Variants in COL16A1 observed in about 807,000 individuals in gnomAD.
COL16A1 encodes collagen type XVI alpha 1 chain.
A neutral mutation model predicts 266.3 loss-of-function variants in COL16A1; 189 were observed. That is an observed-to-expected ratio of 0.71 (90% CI 0.63 to 0.80). The LOEUF is 0.80. Among genes scored for constraint, COL16A1 ranks in the 30% least tolerant of loss-of-function variants. The pLI, the probability that COL16A1 is intolerant of heterozygous loss-of-function variation, is 0.00. For missense variants in COL16A1, 1,928 were observed against 2,122.4 expected (o/e 0.91, Z 1.80); for synonymous variants, 740 against 782.3 (o/e 0.95, Z 0.90).
At chr1:31,700,189 C>G (rs1644674366) in intron 2 of COL16A1, 74 bp from the exon 3 acceptor site, 1 of 1,418,736 alleles carries the variant, frequency 7.0e-7, no homozygotes, top group African/African-American at 1.4e-5. Flanking sequence ...GCCTGGGGAA[C>G]CTGGGAGGGA....
Position 31,670,568 on chromosome 1 carries a change from G to T in COL16A1, c.3195+34C>A, listed in dbSNP as rs982313749. On this transcript the variant is annotated intron_variant, in intron 49 of 70. Transcript: ENST00000373672. The surrounding 1 kb of genome is among the most constrained non-coding windows in gnomAD (Gnocchi z 4.5). Reference sequence around the variant, plus strand: ...AAGCCACAGAGACCTGGCTGACGGGGGGGAGGGGAGGTCGAGCAGCGCTAG... The same window carrying T: ...AAGCCACAGAGACCTGGCTGACGGGTGGGAGGGGAGGTCGAGCAGCGCTAG... The T allele has an allele frequency of 1.5e-6, 2 of 1,356,262 alleles. No individual in the cohort carries two copies. The highest frequency in any genetic ancestry group is 1.9e-6 in the Non-Finnish European group (2 of 1,048,502). The allele number at this position is 1,356,262 out of a possible 1,614,324, so 84.0% of individuals were successfully genotyped here.
In COL16A1 at chr1:31,656,657, G is replaced by A. The variant is rs115307780; in HGVS notation, c.4057-213C>T. Among the ~76,000 whole-genome samples the A allele has an allele frequency of 0.015, 2,298 of 152,264 alleles. 83 individuals are homozygous for A. Among genetic ancestry groups the A allele is most frequent in the African/African-American group, 0.053 (2,205 of 41,524 alleles). The stretch of plus-strand genomic sequence containing the variant: ...GGCCTTGTTTAAGCATGTTGGCTGG[G>A]CCCCCATCACAGATGAAGAGAGGCG... On this transcript the variant is annotated intron_variant, in intron 65 of 70. Transcript: ENST00000373672. The surrounding 1 kb of genome is among the most constrained non-coding windows in gnomAD (Gnocchi z 4.2).
At chr1:31,694,195 C>T (rs565584262) in intron 11 of COL16A1, 25 bp from the exon 12 acceptor site, 7 of 1,572,164 alleles carry the variant, frequency 4.5e-6, no homozygotes, top group African/African-American at 4.1e-5. Context: ...GAGAGGGCAT[C>T]ACACTTCCGG....
chr1:31,694,052 G>T, intron 12 of COL16A1, 92 bp downstream of exon 12: 1 of 1,266,334 alleles, frequency 7.9e-7, no homozygotes, highest in East Asian at 2.4e-5. Flanking sequence ...AGGTGGCCCT[G>T]ATAGAAACAC....
At chr1:31,669,003 C>G in intron 49 of COL16A1, 148 bp from the exon 50 acceptor site, 2 of 682,314 alleles carry the variant, frequency 2.9e-6, no homozygotes, top group Non-Finnish European at 4.9e-6. Flanking sequence ...GAAGGTGACC[C>G]GTAATGGGTG....
intron 55 of COL16A1, 75 bp from the exon 56 acceptor site, chr1:31,665,309 C>T (rs953849646): frequency 1.9e-5 from 30 of 1,557,172 alleles, no homozygotes; most frequent in Non-Finnish European, 2.4e-5. Context: ...TCTTCCTGTG[C>T]ATGATGCACT....
intron 26 of COL16A1, 127 bp from the exon 27 acceptor site, chr1:31,686,406 A>T (rs1242164248): frequency 1.5e-6 from 2 of 1,321,094 alleles, no homozygotes; most frequent in African/African-American, 2.9e-5. Context: ...TCCAGAGAGG[A>T]AGAGGGCTTT....
Position 31,684,558 on chromosome 1 carries a change from C to T in COL16A1, c.2125G>A (p.Gly709Arg). 1 of 1,613,802 alleles carries T rather than the reference C, an allele frequency of 6.2e-7. No individual in the cohort carries two copies. Among genetic ancestry groups the T allele is most frequent in the Non-Finnish European group, 8.5e-7 (1 of 1,179,962 alleles). The part of the protein sequence containing the change: ...TGRPGLSGEP[G>R]VQGPAGPKGE... Reference sequence around the variant, plus strand: ...TTTGGCCCCGCGGGGCCCTGAACTCCAGGCTCTCCTGACAGTCCTGGCCGC... The same window carrying T: ...TTTGGCCCCGCGGGGCCCTGAACTCTAGGCTCTCCTGACAGTCCTGGCCGC... The change falls in exon 31 of 71, where the codon GGA becomes AGA. Residue 709 changes from glycine (G) to arginine (R), a missense_variant. By Grantham distance (125) the Gly-to-Arg change is moderately radical (BLOSUM62 -2). Transcript: ENST00000373672.
At chr1:31,660,738 C>G (rs1019607957) in intron 61 of COL16A1, 100 bp from the exon 62 acceptor site, 46 of 1,528,912 alleles carry the variant, frequency 3.0e-5, no homozygotes, top group African/African-American at 5.5e-5. Flanking sequence ...CATGGTAATG[C>G]CAATGGCCAA....
rs779033965 is a variant in COL16A1 at position 31,699,940 on chromosome 1, A to C, written c.149-10T>G. ...TGGATGAGGTTGAAGCCTTTGGGGGAGACATCAGGTGAAGAGCTCAGCTGA... is the reference window on the plus strand; with the variant it reads ...TGGATGAGGTTGAAGCCTTTGGGGGCGACATCAGGTGAAGAGCTCAGCTGA... On this transcript the variant is annotated splice_polypyrimidine_tract_variant and intron_variant, in intron 3 of 70. Transcript: ENST00000373672. The C allele has an allele frequency of 6.2e-7, 1 of 1,606,244 alleles. No individual in the cohort carries two copies. Among genetic ancestry groups the C allele is most frequent in the East Asian group, 2.2e-5 (1 of 44,854 alleles).
At chr1:31,694,065 A>G in intron 12 of COL16A1, 79 bp downstream of exon 12, 1 of 1,372,718 alleles carries the variant, frequency 7.3e-7, no homozygotes, top group Non-Finnish European at 1.0e-6. Context: ...AGAAACACAC[A>G]GCCACAGGGT....
In COL16A1 at chr1:31,698,566, C is replaced by T. The variant is rs377368741; in HGVS notation, c.307G>A (p.Val103Met). 47 of 1,613,904 alleles carry T rather than the reference C, an allele frequency of 2.9e-5. No individual in the cohort carries two copies. Among genetic ancestry groups the T allele is most frequent in the Non-Finnish European group, 3.8e-5 (45 of 1,179,992 alleles). The change falls in exon 5 of 71, where the codon GTG becomes ATG. Residue 103 changes from valine to methionine, a missense_variant. Val to Met is a conservative substitution (Grantham distance 21, BLOSUM62 1). Around this residue, in one of 2 missense-constraint regions of COL16A1, gnomAD observed 1,552 missense variants for 1,637.2 expected, o/e 0.95. Coordinates refer to ENST00000373672, the MANE Select transcript of COL16A1 (RefSeq NM_001856.4). This position sits in a 1 kb window ranked among gnomAD's most constrained non-coding sequence, Gnocchi z 4.1. ...TGTTTCTTCAGCAGTAGTGTCAGCA[C>T]CAGGGCAAACTCCTCCGGGAGACCC... ...PRGLPEEFAL[V>M]LTLLLKKHTH...
intron 39 of COL16A1, among the ~76,000 whole-genome samples, chr1:31,680,446 C>T (rs1165515384): frequency 6.6e-6 from 1 of 152,188 alleles, no homozygotes; most frequent in Non-Finnish European, 1.5e-5. Context: ...ATCTCGCTTT[C>T]AGTACAACTG....
intron 2 of COL16A1, among the ~76,000 whole-genome samples, chr1:31,700,947 C>T (rs111450454): frequency 1.3e-5 from 2 of 152,204 alleles, no homozygotes; most frequent in African/African-American, 4.8e-5. Context: ...ATGGGCCTCC[C>T]TCGCCCTGGG....
At chr1:31,666,838 C>T (rs765318605) in intron 52 of COL16A1, among the ~76,000 whole-genome samples, 61 of 152,196 alleles carry the variant, frequency 4.0e-4, no homozygotes, top group Non-Finnish European at 6.9e-4. Flanking sequence ...TGTCCCATTT[C>T]CTCCATGAGT....
intron 27 of COL16A1, 29 bp from the exon 28 acceptor site, chr1:31,686,164 C>T (rs779838169): frequency 6.2e-7 from 1 of 1,608,920 alleles, no homozygotes; most frequent in Non-Finnish European, 8.5e-7. Context: ...CAGGTAATGC[C>T]CAGCATCTGC....
In COL16A1 at chr1:31,698,083, C is replaced by T; in HGVS notation, c.480G>A (p.Val160=). 2 of 1,613,976 alleles carry T rather than the reference C, an allele frequency of 1.2e-6. No individual in the cohort carries two copies. Among genetic ancestry groups the T allele is most frequent in the Non-Finnish European group, 1.7e-6 (2 of 1,180,022 alleles). ...GCCAACGCAAGTCGAAGAGCTGGGG[C>T]ACTGGGAAGATGCAGGACACAAAGT... The part of the protein sequence containing the change: ...DGDFVSCIFP[V]PQLFDLRWHK... Residue 160 remains valine (V), a synonymous_variant, in exon 6 of 71, where the codon GTG becomes GTA. Transcript: ENST00000373672. The surrounding 1 kb of genome is among the most constrained non-coding windows in gnomAD (Gnocchi z 4.1).
intron 43 of COL16A1, 74 bp downstream of exon 43, chr1:31,675,184 C>A (rs1643079106): frequency 1.2e-6 from 2 of 1,612,644 alleles, no homozygotes; most frequent in African/African-American, 1.3e-5. Flanking sequence ...AGCTACCGGG[C>A]CAGCTTCATA....
chr1:31,672,304 C>G, intron 47 of COL16A1, 112 bp downstream of exon 47: 1 of 1,237,930 alleles, frequency 8.1e-7, no homozygotes, highest in Non-Finnish European at 1.1e-6. Context: ...AGCAGATGAG[C>G]CCAGAGTGGT....
Sources: gnomAD v4.1 joint callset for allele counts (sites outside exome capture counted in the v4.1 genomes callset) on GRCh38, gnomAD v4.1.1 for gene constraint, gnomAD v4.1.1 regional missense constraint, Gnocchi (gnomAD v3.1) non-coding constraint, MANE v1.5 for transcripts, NCBI Gene and HGNC (gene_info 2026-07-23, HGNC 2026-07-21) for gene names.